SLC39A11: variants seen among roughly 807,000 people sequenced by gnomAD.
SLC39A11 encodes zinc transporter ZIP11.
A neutral mutation model predicts 36.1 loss-of-function variants in SLC39A11; 33 were observed. That is an observed-to-expected ratio of 0.91 (90% confidence interval 0.69 to 1.22). SLC39A11 has a LOEUF of 1.22. SLC39A11 is among the 50% of genes most tolerant of loss of function. The pLI is 0.00. For missense variants in SLC39A11, 432 were observed against 430.3 expected, an observed-to-expected ratio of 1.00 and a Z score of -0.03; for synonymous variants, 166 against 170.3, an observed-to-expected ratio of 0.97 and a Z score of 0.20.
intron 3 of SLC39A11, among the ~76,000 whole-genome samples, chr17:73,046,260 C>T (rs1403170433): frequency 6.6e-6 from 1 of 152,180 alleles, no homozygotes; most frequent in Non-Finnish European, 1.5e-5. Flanking sequence ...GATGCTCCTC[C>T]TTGTTCTAAA....
At position 72,854,200 on chromosome 17, in the gene SLC39A11, C is replaced by T. The variant is rs377482160; in HGVS notation, c.431-4396G>A. 6.0e-4 allele frequency among the ~76,000 whole-genome samples: 91 copies of T among 152,050 alleles called. 1 individual carries two copies. Among genetic ancestry groups the T allele is most frequent in the African/African-American group, 2.1e-3 (87 of 41,478 alleles). On this transcript the variant is annotated intron_variant, in intron 5 of 9. Coordinates refer to ENST00000255559, the MANE Select transcript of SLC39A11 (RefSeq NM_139177.4). ...ATTGAAGAACAGAGAGGCAGAGTAA[C>T]TGGTCCCAGGTCACACAGCCAGTCT...
chr17:72,809,120 CT>C (rs1317957494), intron 6 of SLC39A11, among the ~76,000 whole-genome samples: 1 of 152,142 alleles, frequency 6.6e-6, no homozygotes, highest in Admixed American at 6.6e-5. Flanking sequence ...GTCCAGCAGT[CT>C]TTTCCTCTCT....
chr17:72,682,785 G>T (rs369054718), intron 7 of SLC39A11, among the ~76,000 whole-genome samples: 1 of 152,202 alleles, frequency 6.6e-6, no homozygotes, highest in Admixed American at 6.5e-5. Context: ...GCTGATTCAC[G>T]TGGAGACTCT....
At chr17:73,083,850 C>G (rs1363906065) in intron 3 of SLC39A11, among the ~76,000 whole-genome samples, 1 of 152,130 alleles carries the variant, frequency 6.6e-6, no homozygotes, top group African/African-American at 2.4e-5. Context: ...TGAAGAAAAT[C>G]TGAATATGGA....
intron 7 of SLC39A11, among the ~76,000 whole-genome samples, chr17:72,654,066 T>C (rs2069992789): frequency 6.6e-6 from 1 of 151,960 alleles, no homozygotes; most frequent in South Asian, 2.1e-4. Flanking sequence ...GCATGGGGAG[T>C]GAGCGGGTGG....
At chr17:72,818,514 A>C (rs950943592) in intron 6 of SLC39A11, among the ~76,000 whole-genome samples, 1 of 152,208 alleles carries the variant, frequency 6.6e-6, no homozygotes, top group African/African-American at 2.4e-5. Flanking sequence ...TATTTCTTGA[A>C]TCAATATATG....
At chr17:72,931,402 A>G (rs1456159780) in intron 5 of SLC39A11, among the ~76,000 whole-genome samples, 1 of 152,200 alleles carries the variant, frequency 6.6e-6, no homozygotes, top group Non-Finnish European at 1.5e-5. Flanking sequence ...GCAGCCGCCA[A>G]TGGCCTCACC....
intron 5 of SLC39A11, among the ~76,000 whole-genome samples, chr17:72,874,193 T>C (rs1444523993): frequency 1.3e-5 from 2 of 152,220 alleles, no homozygotes; most frequent in African/African-American, 4.8e-5. Flanking sequence ...GTCTTAATGG[T>C]TGACAGTATA....
intron 7 of SLC39A11, among the ~76,000 whole-genome samples, chr17:72,732,999 G>C (rs2074291332): frequency 6.6e-6 from 1 of 152,166 alleles, no homozygotes; most frequent in South Asian, 2.1e-4. Context: ...GCAAGTTCCT[G>C]GACCAGTGGG....
At chr17:72,771,245 G>T (rs926129632) in intron 6 of SLC39A11, among the ~76,000 whole-genome samples, 2 of 151,934 alleles carry the variant, frequency 1.3e-5, no homozygotes, top group Admixed American at 1.3e-4. Context: ...TTAGCTGGGA[G>T]TGGCGGCGAT....
intron 5 of SLC39A11, among the ~76,000 whole-genome samples, chr17:72,922,848 G>A (rs2147278859): frequency 6.7e-6 from 1 of 150,312 alleles, no homozygotes; most frequent in African/African-American, 2.4e-5. Flanking sequence ...CACACCTGTA[G>A]TCCCCGCTAC....
chr17:72,971,443 G>GC (rs1286339516), intron 4 of SLC39A11, among the ~76,000 whole-genome samples: 4 of 152,086 alleles, frequency 2.6e-5, no homozygotes, highest in Non-Finnish European at 4.4e-5. Flanking sequence ...ATGGCACAGC[G>GC]CCCCCCGATT....
intron 4 of SLC39A11, among the ~76,000 whole-genome samples, chr17:73,003,184 G>A (rs774976228): frequency 1.3e-5 from 2 of 152,240 alleles, no homozygotes; most frequent in Non-Finnish European, 2.9e-5. Flanking sequence ...TACACAGGTT[G>A]TTGAAATTTG....
intron 5 of SLC39A11, among the ~76,000 whole-genome samples, chr17:72,882,939 G>A (rs1347427832): frequency 6.6e-6 from 1 of 151,806 alleles, no homozygotes; most frequent in African/African-American, 2.4e-5. Context: ...TGGGATTACA[G>A]GTGTGTGCCA....
chr17:72,976,169 C>CAAAAAAAAA (rs71154939), intron 4 of SLC39A11, among the ~76,000 whole-genome samples: 2 of 68,376 alleles, frequency 2.9e-5, no homozygotes, highest in South Asian at 6.9e-4. Context: ...GACTCCATCT[C>CAAAAAAAAA]AAAAAAAAAA....
At chr17:73,014,238 C>G (rs1398987509) in intron 4 of SLC39A11, among the ~76,000 whole-genome samples, 1 of 152,180 alleles carries the variant, frequency 6.6e-6, no homozygotes, top group Admixed American at 6.5e-5. Context: ...ATGAGATGAT[C>G]AGTTAACCTC....
chr17:72,814,330 C>T (rs1012963224), intron 6 of SLC39A11, among the ~76,000 whole-genome samples: 1 of 152,182 alleles, frequency 6.6e-6, no homozygotes, highest in Non-Finnish European at 1.5e-5. Flanking sequence ...ATGGTGCCCT[C>T]GGCCCCCAGT....
At chr17:72,794,001 T>C (rs1348107672) in intron 6 of SLC39A11, among the ~76,000 whole-genome samples, 2 of 152,124 alleles carry the variant, frequency 1.3e-5, no homozygotes, top group South Asian at 2.1e-4. Context: ...GAGGGACCCA[T>C]AGTCCTGCCT....
rs1474856533 is a variant in SLC39A11, at chr17:73,041,013, A to AAACAAAC, written c.148-9300_148-9299insGTTTGTT. Among the ~76,000 whole-genome samples the AAACAAAC allele has an allele frequency of 9.3e-5, 14 of 151,236 alleles. No homozygotes were observed. In the East Asian group the frequency reaches 1.7e-3, roughly 19 times the overall value. ...AAAAAAACAAAAAACAAAAAACAAA[A>AAACAAAC]AAAAAAAACAGTATTAACAGTATCA... On this transcript the variant is annotated intron_variant, in intron 3 of 9. Coordinates refer to ENST00000255559, the MANE Select transcript of SLC39A11 (RefSeq NM_139177.4).
Sources: allele counts gnomAD v4.1 joint callset (sites outside exome capture counted in the v4.1 genomes callset), GRCh38; gene constraint gnomAD v4.1.1; transcripts MANE v1.5; gene names NCBI Gene and HGNC (gene_info 2026-07-23, HGNC 2026-07-21).